PREX1: variants seen among roughly 807,000 people sequenced by gnomAD.
PREX1 encodes the protein phosphatidylinositol-3,4,5-trisphosphate dependent Rac exchange factor 1.
In PREX1, 41 loss-of-function variants were observed where a neutral mutation model predicts 198.3. That is an observed-to-expected ratio of 0.21 (90% CI 0.16 to 0.27). The LOEUF (loss-of-function observed/expected upper bound fraction) is 0.27. Among genes scored for constraint, PREX1 ranks in the 10% least tolerant of loss-of-function variants. The pLI is 1.00. For synonymous variants in PREX1, 843 were observed against 887.2 expected, an observed-to-expected ratio of 0.95 and a Z score of 0.89; for missense variants, 1,620 against 2,200.7, an observed-to-expected ratio of 0.74 and a Z score of 5.28.
At chr20:48,687,014 T>G (rs967543690) in intron 10 of PREX1, among the ~76,000 whole-genome samples, 2 of 151,954 alleles carry the variant, frequency 1.3e-5, no homozygotes, top group Admixed American at 1.3e-4. Context: ...TCCGGAGGAG[T>G]GCCACCTTCT....
chr20:48,723,437 G>A (rs564299438), intron 5 of PREX1, among the ~76,000 whole-genome samples: 69 of 152,320 alleles, frequency 4.5e-4, no homozygotes, highest in Admixed American at 3.4e-3. Context: ...AAATGTTCCC[G>A]CTCTGGGGCC....
the PREX1 span, among the ~76,000 whole-genome samples, chr20:48,864,253 C>T: frequency 6.6e-6 from 1 of 152,190 alleles, no homozygotes; most frequent in African/African-American, 2.4e-5. Flanking sequence ...CATGCCTTCA[C>T]TTATTCCTCC....
At chr20:48,754,922 G>C (rs941419624) in intron 1 of PREX1, among the ~76,000 whole-genome samples, 1 of 152,140 alleles carries the variant, frequency 6.6e-6, no homozygotes, top group African/African-American at 2.4e-5. Context: ...AGAGTCTGGG[G>C]AGCTCCCCAA....
intron 39 of PREX1, among the ~76,000 whole-genome samples, chr20:48,626,139 G>T (rs2122791558): frequency 6.6e-6 from 1 of 152,362 alleles, no homozygotes; most frequent in African/African-American, 2.4e-5. Context: ...TCAGAGACTG[G>T]CATTTACAAA....
chr20:48,664,832 G>A (rs2089624261), intron 15 of PREX1, among the ~76,000 whole-genome samples: 3 of 146,136 alleles, frequency 2.1e-5, no homozygotes, highest in Non-Finnish European at 4.5e-5. Flanking sequence ...CAGACGGCCT[G>A]AATTCTAATC....
chr20:48,730,539 C>G (rs1283774040), intron 4 of PREX1, among the ~76,000 whole-genome samples: 1 of 151,592 alleles, frequency 6.6e-6, no homozygotes, highest in Non-Finnish European at 1.5e-5. Flanking sequence ...TTCTGGAGGT[C>G]TGGGGGCCAT....
At chr20:48,872,701 G>A in the PREX1 span, among the ~76,000 whole-genome samples, 2 of 152,024 alleles carry the variant, frequency 1.3e-5, no homozygotes, top group Non-Finnish European at 2.9e-5. Flanking sequence ...AGCCGAGATC[G>A]TGTCATTGCA....
chr20:48,712,427 G>C (rs1231132655), intron 5 of PREX1, among the ~76,000 whole-genome samples: 1 of 152,176 alleles, frequency 6.6e-6, no homozygotes, highest in Non-Finnish European at 1.5e-5. Flanking sequence ...TATTCTTGAA[G>C]CTAAAACCTG....
intron 1 of PREX1, among the ~76,000 whole-genome samples, chr20:48,789,157 C>T (rs897612600): frequency 2.0e-5 from 3 of 152,206 alleles, no homozygotes; most frequent in African/African-American, 7.2e-5. Context: ...CTTCAAAGTT[C>T]GGCCATGTCT....
intron 5 of PREX1, 68 bp from the exon 6 acceptor site, chr20:48,708,489 A>G (rs2089913990): frequency 6.5e-7 from 1 of 1,528,704 alleles, no homozygotes; most frequent in South Asian, 1.2e-5. Context: ...CCCAGGCCAG[A>G]GCTGAACCCA....
intron 17 of PREX1, among the ~76,000 whole-genome samples, chr20:48,657,489 C>T (rs1231883312): frequency 6.6e-6 from 1 of 152,222 alleles, no homozygotes; most frequent in Non-Finnish European, 1.5e-5. Context: ...GGGTGGCCAT[C>T]TTATGTCTGT....
At chr20:48,818,665 G>A (rs1022448489) in intron 1 of PREX1, among the ~76,000 whole-genome samples, 6 of 152,240 alleles carry the variant, frequency 3.9e-5, no homozygotes, top group African/African-American at 1.4e-4. Flanking sequence ...CCACAGGGCA[G>A]AGGTGAGAGC....
At chr20:48,860,276 A>G in the PREX1 span, among the ~76,000 whole-genome samples, 4 of 152,238 alleles carry the variant, frequency 2.6e-5, no homozygotes, top group Non-Finnish European at 4.4e-5. Flanking sequence ...GCCAGTCACC[A>G]AAAGACAAAT....
At chr20:48,851,589 T>C in the PREX1 span, among the ~76,000 whole-genome samples, 1 of 152,184 alleles carries the variant, frequency 6.6e-6, no homozygotes, top group African/African-American at 2.4e-5. Context: ...TTCTCAGCCT[T>C]ACCTCCTTTG....
chr20:48,692,762 T>C lies in PREX1; in HGVS notation c.946A>G (p.Arg316Gly). 6.2e-7 allele frequency: 1 copy of C among 1,614,042 alleles called. No individual in the cohort carries two copies. Among genetic ancestry groups the C allele is most frequent in the African/African-American group, 1.3e-5 (1 of 74,998 alleles). The change falls in exon 8 of 40, where the codon AGG becomes GGG. Residue 316 changes from arginine to glycine, a missense_variant. Physicochemically the swap from Arg to Gly is moderately radical, Grantham distance 125. Coordinates refer to ENST00000371941, the MANE Select transcript of PREX1 (RefSeq NM_020820.4). ...AGGGAGCCGTTGATGGATTTGGTCC[T>C]CTTGGTGGACTTCTTGCTCCCGGTG... ...RVTGSKKSTK[R>G]TKSINGSLYI...
intron 21 of PREX1, among the ~76,000 whole-genome samples, chr20:48,652,164 G>A (rs115260815): frequency 4.8e-4 from 73 of 152,338 alleles, no homozygotes; most frequent in African/African-American, 1.6e-3. Flanking sequence ...GTGCGCAGTG[G>A]TGCACACCTG....
At chr20:48,696,384 C>T (rs2089845624) in intron 7 of PREX1, among the ~76,000 whole-genome samples, 1 of 152,190 alleles carries the variant, frequency 6.6e-6, no homozygotes, top group South Asian at 2.1e-4. Context: ...CAAATGACTG[C>T]TTACATGTGG....
At chr20:48,686,706 T>C (rs952293432) in intron 10 of PREX1, among the ~76,000 whole-genome samples, 1 of 152,210 alleles carries the variant, frequency 6.6e-6, no homozygotes. Flanking sequence ...CTCCTCTCCA[T>C]GGAAGCTCAG....
intron 20 of PREX1, among the ~76,000 whole-genome samples, chr20:48,653,148 G>A (rs1449966242): frequency 6.6e-6 from 1 of 152,158 alleles, no homozygotes; most frequent in Non-Finnish European, 1.5e-5. Flanking sequence ...TGTGAAAACC[G>A]AGACCCCCGG....
Sources: allele counts gnomAD v4.1 joint callset (sites outside exome capture counted in the v4.1 genomes callset), GRCh38; gene constraint gnomAD v4.1.1; transcripts MANE v1.5; gene names NCBI Gene and HGNC (gene_info 2026-07-23, HGNC 2026-07-21).